Variants in DOCK1 observed in about 807,000 individuals in gnomAD.
DOCK1 encodes dedicator of cytokinesis 1.
A neutral mutation model predicts 262.7 loss-of-function variants in DOCK1; 138 were observed. That is an observed-to-expected ratio of 0.53 (90% confidence interval 0.46 to 0.61). The LOEUF is 0.61. Ranked by LOEUF, DOCK1 falls within the 20% of genes least tolerant of loss-of-function variation. DOCK1 has a pLI of 0.00. For synonymous variants in DOCK1, 866 were observed against 867.4 expected (o/e 1.00, Z 0.03); for missense variants, 1,908 against 2,370.7 (o/e 0.80, Z 4.05).
intron 23 of DOCK1, among the ~76,000 whole-genome samples, chr10:127,064,606 C>A (rs2045738937): frequency 6.6e-6 from 1 of 152,200 alleles, no homozygotes; most frequent in Admixed American, 6.5e-5. Flanking sequence ...TGCCTTCACT[C>A]CCCTTCCCAG....
Position 127,381,265 on chromosome 10 carries a change from T to C in DOCK1, c.3717-13T>C, listed in dbSNP as rs1313706505. On this transcript the variant is annotated splice_polypyrimidine_tract_variant and intron_variant, in intron 36 of 51. Transcript: ENST00000623213. ...TGACATTTTAAGAACATACCTCTGT[T>C]TTATTGTCTCAGGTATTTGTACAAG... 22 of 1,602,486 alleles carry C rather than the reference T, an allele frequency of 1.4e-5. No individual in the cohort carries two copies. Among genetic ancestry groups the C allele is most frequent in the Non-Finnish European group, 1.8e-5 (21 of 1,173,188 alleles).
chr10:127,026,377 A>G lies in DOCK1; in HGVS notation c.1577A>G (p.Asn526Ser). 2 of 1,574,294 alleles carry G rather than the reference A, an allele frequency of 1.3e-6. No homozygotes were observed. The highest frequency in any genetic ancestry group is 4.6e-5 in the East Asian group (2 of 43,196). ...VKVAIPIEDV[N>S]RSHLRFTFRH... Reference sequence around the variant, plus strand: ...GTGGCCATTCCCATCGAGGACGTTAACCGCAGTCACCTTCGGTTTACCTTC... The same window carrying G: ...GTGGCCATTCCCATCGAGGACGTTAGCCGCAGTCACCTTCGGTTTACCTTC... Residue 526 changes from asparagine (N) to serine (S), a missense_variant, in exon 16 of 52, where the codon AAC (asparagine) becomes AGC (serine). This residue lies in a region of DOCK1 where 294 missense variants were observed against 439.9 expected (regional missense o/e 0.67). Coordinates refer to ENST00000623213, the MANE Select transcript of DOCK1 (RefSeq NM_001290223.2).
chr10:127,370,737 C>A (rs959951257), intron 33 of DOCK1, among the ~76,000 whole-genome samples: 3 of 152,162 alleles, frequency 2.0e-5, no homozygotes, highest in African/African-American at 7.2e-5. Flanking sequence ...TCGAGCACAG[C>A]CCCCTGACTC....
chr10:127,194,659 C>T (rs1468377135), intron 27 of DOCK1, among the ~76,000 whole-genome samples: 1 of 152,190 alleles, frequency 6.6e-6, no homozygotes, highest in East Asian at 1.9e-4. Context: ...CGCAGTCACT[C>T]TGACAGTCCC....
At position 127,176,294 on chromosome 10, in the gene DOCK1, G is replaced by A; in HGVS notation, c.2847+48530G>A. On this transcript the variant is annotated intron_variant, in intron 27 of 51. Transcript: ENST00000623213. This position sits in a 1 kb window ranked among gnomAD's most constrained non-coding sequence, Gnocchi z 4.4. ...TGTTCCGTTTTTTAATCTGCCGGTT[G>A]GGGTCCAGGGCGTATTTCATCTCCA... 6.2e-7 allele frequency: 1 copy of A among 1,614,078 alleles called. No homozygotes were observed. The highest frequency in any genetic ancestry group is 1.3e-5 in the African/African-American group (1 of 75,012).
intron 40 of DOCK1, among the ~76,000 whole-genome samples, chr10:127,408,073 T>C (rs564862654): frequency 1.1e-4 from 17 of 152,146 alleles, no homozygotes; most frequent in Admixed American, 9.8e-4. Context: ...AGACCTGTTG[T>C]ATCTTGCAAG....
At chr10:127,077,754 C>T (rs1231315725) in intron 23 of DOCK1, among the ~76,000 whole-genome samples, 1 of 152,066 alleles carries the variant, frequency 6.6e-6, no homozygotes, top group South Asian at 2.1e-4. Context: ...CATTGGGTGT[C>T]CAGACGAGAG....
chr10:127,133,019 A>G (rs1004107042), intron 27 of DOCK1, among the ~76,000 whole-genome samples: 6 of 152,198 alleles, frequency 3.9e-5, no homozygotes, highest in African/African-American at 1.4e-4. Context: ...CTCCCTAGAC[A>G]CAAGTGATGG....
chr10:127,067,305 C>A lies in DOCK1; in HGVS notation c.2445+5529C>A, dbSNP rs1591879156. Reference sequence around the variant, plus strand: ...TTTGGGGCTTTGCAGTCAGTTCTTACAGGCATTGACATCATTTCAAGTCCA... The same window carrying A: ...TTTGGGGCTTTGCAGTCAGTTCTTAAAGGCATTGACATCATTTCAAGTCCA... On this transcript the variant is annotated intron_variant, in intron 23 of 51. Coordinates refer to ENST00000623213, the MANE Select transcript of DOCK1 (RefSeq NM_001290223.2). 2.0e-5 allele frequency among the ~76,000 whole-genome samples: 3 copies of A among 152,284 alleles called. No homozygotes were observed. The Middle Eastern group carries it at 0.01, about 518-fold the overall frequency.
At chr10:127,167,656 T>C (rs951198721) in intron 27 of DOCK1, among the ~76,000 whole-genome samples, 5 of 152,278 alleles carry the variant, frequency 3.3e-5, no homozygotes, top group Admixed American at 6.5e-5. Context: ...TCAAAAAATG[T>C]AGCTCAGAGG....
chr10:126,975,210 G>A (rs905866310), intron 2 of DOCK1, among the ~76,000 whole-genome samples: 10 of 152,080 alleles, frequency 6.6e-5, no homozygotes, highest in Non-Finnish European at 1.5e-5. Flanking sequence ...TGCATCGTGT[G>A]CACATTTCAT....
intron 38 of DOCK1, among the ~76,000 whole-genome samples, chr10:127,394,600 G>A (rs1565055363): frequency 6.6e-6 from 1 of 152,150 alleles, no homozygotes; most frequent in Non-Finnish European, 1.5e-5. Flanking sequence ...GATATTAGCA[G>A]AACCTATTCA....
At chr10:127,144,100 G>C (rs1364589615) in intron 27 of DOCK1, among the ~76,000 whole-genome samples, 1 of 152,048 alleles carries the variant, frequency 6.6e-6, no homozygotes, top group African/African-American at 2.4e-5. Flanking sequence ...CACTGCTCTA[G>C]TCCAGAACTC....
chr10:126,998,284 T>C, intron 8 of DOCK1, 35 bp downstream of exon 8: 1 of 1,612,534 alleles, frequency 6.2e-7, no homozygotes, highest in African/African-American at 1.3e-5. Flanking sequence ...TCTTTCCTCT[T>C]TGGTTAGTGT....
In DOCK1 at chr10:127,409,298, AC is replaced by A. The variant is rs757287997; in HGVS notation, c.4265-10del. On this transcript the variant is annotated splice_polypyrimidine_tract_variant and intron_variant, in intron 41 of 51. Transcript: ENST00000623213. ...GTCTATGCTGCCTTAGTGATCCTTAACCCCCTCACCTCAGATATTCAGTGCT... is the reference window on the plus strand; with the variant it reads ...GTCTATGCTGCCTTAGTGATCCTTAACCCCTCACCTCAGATATTCAGTGCT... 1.5e-5 allele frequency: 24 copies of A among 1,613,532 alleles called. No individual in the cohort carries two copies. The African/African-American group carries it at 2.7e-4, about 18-fold the overall frequency.
Position 126,923,000 on chromosome 10 carries a change from T to C in DOCK1, c.46+17437T>C, listed in dbSNP as rs973015117. ...AGTGCATGCTTGTAATCCCAGCTAC[T>C]CGGGAGGCTGAGGCAGGAGAATTGC... On this transcript the variant is annotated intron_variant, in intron 1 of 51. Coordinates refer to ENST00000623213, the MANE Select transcript of DOCK1 (RefSeq NM_001290223.2). Among the ~76,000 whole-genome samples, 5 of 152,186 alleles carry C rather than the reference T, an allele frequency of 3.3e-5. No homozygotes were observed. In the South Asian group the frequency reaches 1.0e-3, roughly 32 times the overall value.
chr10:127,230,877 T>C (rs750202670), intron 27 of DOCK1, among the ~76,000 whole-genome samples: 5 of 152,178 alleles, frequency 3.3e-5, no homozygotes, highest in African/African-American at 1.2e-4. Flanking sequence ...AGGACTTGCG[T>C]TGGATCTGTA....
intron 29 of DOCK1, among the ~76,000 whole-genome samples, chr10:127,262,188 G>GTA (rs2060190558): frequency 7.3e-6 from 1 of 136,528 alleles, no homozygotes; most frequent in African/African-American, 2.8e-5. Context: ...GTGTGTGTGT[G>GTA]TACCCGTGCT....
chr10:127,396,224 T>G (rs57615326), intron 38 of DOCK1, among the ~76,000 whole-genome samples: 60,631 of 148,842 alleles, frequency 0.41, 12,837 homozygotes, highest in Middle Eastern at 0.53. Context: ...CCTGGGCCAG[T>G]TCACAGCTGC....
Sources: allele counts gnomAD v4.1 joint callset (sites outside exome capture counted in the v4.1 genomes callset), GRCh38; gene constraint gnomAD v4.1.1; regional missense constraint gnomAD v4.1.1; non-coding constraint Gnocchi (gnomAD v3.1); transcripts MANE v1.5; gene names NCBI Gene and HGNC (gene_info 2026-07-23, HGNC 2026-07-21).